Variants in DLG2 observed in about 807,000 individuals in gnomAD.
The protein encoded by DLG2 is discs large MAGUK scaffold protein 2, also known as disks large homolog 2.
In DLG2, 45 loss-of-function variants were observed where a neutral mutation model predicts 132.5. The ratio of observed to expected loss-of-function variants is 0.34; its 90% CI spans 0.27 to 0.44. The LOEUF is 0.44. Among genes scored for constraint, DLG2 ranks in the 20% least tolerant of loss-of-function variants. DLG2 has a pLI of 1.00. For synonymous variants in DLG2, 424 were observed against 419.6 expected (o/e 1.01, Z -0.13); for missense variants, 1,045 against 1,196.9 (o/e 0.87, Z 1.87).
intron 18 of DLG2, among the ~76,000 whole-genome samples, chr11:83,739,355 T>A (rs2092307782): frequency 6.6e-6 from 1 of 152,170 alleles, no homozygotes; most frequent in African/African-American, 2.4e-5. Context: ...ATTCTACTAA[T>A]CGTTTCTATG....
intron 4 of DLG2, among the ~76,000 whole-genome samples, chr11:85,233,656 C>A (rs1269211571): frequency 6.6e-6 from 1 of 151,354 alleles, no homozygotes; most frequent in African/African-American, 2.4e-5. Context: ...CATTAGAAGC[C>A]AAACTCTGCT....
intron 6 of DLG2, among the ~76,000 whole-genome samples, chr11:84,635,889 C>T (rs1323188413): frequency 6.6e-6 from 1 of 152,160 alleles, no homozygotes; most frequent in East Asian, 1.9e-4. Flanking sequence ...CTTCTTCATA[C>T]ATTCTTCACA....
At chr11:85,564,924 A>C (rs995878147) in intron 3 of DLG2, among the ~76,000 whole-genome samples, 3 of 152,056 alleles carry the variant, frequency 2.0e-5, no homozygotes, top group African/African-American at 7.2e-5. Flanking sequence ...CTGATAGCAA[A>C]GTTTTATAGT....
At chr11:84,370,902 A>AGGT (rs1555531449) in intron 7 of DLG2, among the ~76,000 whole-genome samples, 1 of 152,142 alleles carries the variant, frequency 6.6e-6, no homozygotes, top group Non-Finnish European at 1.5e-5. Flanking sequence ...ATGTGTGGGC[A>AGGT]GGTGGTGGGA....
rs150357887 is a variant in DLG2 at position 85,321,124 on chromosome 11, C to T, written c.41-35759G>A. ...TGATTTGAATGAGGGTAATAATGGACAAAGTGATGAAAAAATATTGGATAT... is the reference window on the plus strand; with the variant it reads ...TGATTTGAATGAGGGTAATAATGGATAAAGTGATGAAAAAATATTGGATAT... On this transcript the variant is annotated intron_variant, in intron 3 of 27. Transcript: ENST00000376104. Among the ~76,000 whole-genome samples, 6 of 151,692 alleles carry T rather than the reference C, an allele frequency of 4.0e-5. No homozygotes were observed. The East Asian group carries it at 1.2e-3, about 29-fold the overall frequency.
chr11:85,066,232 TC>T (rs1278511181), intron 6 of DLG2, among the ~76,000 whole-genome samples: 1 of 150,946 alleles, frequency 6.6e-6, no homozygotes. Context: ...ACAAACAACC[TC>T]CCAAGAATGA....
intron 17 of DLG2, among the ~76,000 whole-genome samples, chr11:83,801,963 GGT>G (rs2044515913): frequency 6.6e-6 from 1 of 152,128 alleles, no homozygotes; most frequent in Non-Finnish European, 1.5e-5. Context: ...TTATAAGCCA[GGT>G]ACTAATTAGA....
chr11:83,743,695 A>T (rs1485792862), intron 18 of DLG2, among the ~76,000 whole-genome samples: 1 of 151,958 alleles, frequency 6.6e-6, no homozygotes, highest in Non-Finnish European at 1.5e-5. Context: ...CATCCTCCCA[A>T]TGTGGGGAGA....
At chr11:83,973,242 CTAT>C (rs955519468) in intron 12 of DLG2, among the ~76,000 whole-genome samples, 3 of 146,100 alleles carry the variant, frequency 2.1e-5, no homozygotes, top group Non-Finnish European at 4.7e-5. Context: ...TTGGAGTGTG[CTAT>C]TAAGATAATT....
intron 7 of DLG2, among the ~76,000 whole-genome samples, chr11:84,339,315 A>G (rs2098503149): frequency 6.6e-6 from 1 of 152,194 alleles, no homozygotes; most frequent in Admixed American, 6.5e-5. Context: ...TATAACCATT[A>G]TTTCGTCATA....
intron 11 of DLG2, among the ~76,000 whole-genome samples, chr11:84,051,808 C>A (rs1481422329): frequency 6.6e-6 from 1 of 151,290 alleles, no homozygotes; most frequent in Non-Finnish European, 1.5e-5. Flanking sequence ...GACAGGAACA[C>A]CATAATAATG....
intron 3 of DLG2, among the ~76,000 whole-genome samples, chr11:85,494,089 T>G (rs1375075677): frequency 6.6e-6 from 1 of 152,120 alleles, no homozygotes; most frequent in Non-Finnish European, 1.5e-5. Flanking sequence ...ATAAGGATAC[T>G]AATCCCACTT....
chr11:84,656,856 C>G (rs1366948866), intron 6 of DLG2, among the ~76,000 whole-genome samples: 1 of 152,102 alleles, frequency 6.6e-6, no homozygotes, highest in Non-Finnish European at 1.5e-5. Context: ...GGTATTTGAA[C>G]TATTTTAATT....
chr11:84,924,392 A>G (rs2092900545), intron 6 of DLG2, among the ~76,000 whole-genome samples: 1 of 152,204 alleles, frequency 6.6e-6, no homozygotes, highest in African/African-American at 2.4e-5. Context: ...AGCAACAAGG[A>G]AGATCAGCAT....
intron 6 of DLG2, among the ~76,000 whole-genome samples, chr11:84,785,711 TA>T (rs1395132183): frequency 2.6e-5 from 4 of 152,124 alleles, no homozygotes; most frequent in Non-Finnish European, 5.9e-5. Flanking sequence ...GATTTTTAAA[TA>T]ATATCTTTAT....
At chr11:85,488,718 G>C (rs2093489054) in intron 3 of DLG2, among the ~76,000 whole-genome samples, 1 of 152,116 alleles carries the variant, frequency 6.6e-6, no homozygotes, top group Non-Finnish European at 1.5e-5. Flanking sequence ...AGTGCTGAAA[G>C]AAAACAACTG....
At chr11:84,103,169 T>C (rs1273571253) in intron 9 of DLG2, among the ~76,000 whole-genome samples, 1 of 152,136 alleles carries the variant, frequency 6.6e-6, no homozygotes, top group Non-Finnish European at 1.5e-5. Context: ...TAAAGAGCTT[T>C]CACCTCCCTT....
chr11:83,810,840 T>G (rs1313025968), intron 17 of DLG2, among the ~76,000 whole-genome samples: 1 of 152,094 alleles, frequency 6.6e-6, no homozygotes, highest in Non-Finnish European at 1.5e-5. Flanking sequence ...CAAAGATTAT[T>G]TAGATAGCCT....
intron 8 of DLG2, among the ~76,000 whole-genome samples, chr11:84,235,522 T>A (rs2097147025): frequency 6.6e-6 from 1 of 152,082 alleles, no homozygotes; most frequent in African/African-American, 2.4e-5. Context: ...CTAGTCTAGG[T>A]GACAGAGGGA....
Sources: gnomAD v4.1 joint callset for allele counts (sites outside exome capture counted in the v4.1 genomes callset) on GRCh38, gnomAD v4.1.1 for gene constraint, MANE v1.5 for transcripts, NCBI Gene and HGNC (gene_info 2026-07-23, HGNC 2026-07-21) for gene names.